Variants in ME3 observed in about 807,000 individuals in gnomAD.
ME3 encodes malic enzyme 3.
Under a neutral mutation model 68.9 loss-of-function variants are expected in ME3, and 48 were observed. The ratio of observed to expected loss-of-function variants is 0.70; its 90% CI spans 0.55 to 0.89. The LOEUF is 0.89. ME3 is among the 40% of genes least tolerant of loss of function. ME3 has a pLI of 0.00. For synonymous variants in ME3, 320 were observed against 318.8 expected, an observed-to-expected ratio of 1.00 and a Z score of -0.04; for missense variants, 675 against 797.4, an observed-to-expected ratio of 0.85 and a Z score of 1.85.
chr11:86,556,754 A>T lies in ME3; in HGVS notation c.318-52T>A, dbSNP rs1214357073. On this transcript the variant is annotated intron_variant, in intron 3 of 14. Transcript: ENST00000543262. ...TGACATGTGGTAGCAGCAGGCCCTG[A>T]TGCCTCTGTGGTGTGGTGCAAAGAC... 3.2e-6 allele frequency: 5 copies of T among 1,584,712 alleles called. No homozygotes were observed. In the Admixed American group the frequency reaches 5.0e-5, roughly 16 times the overall value.
At chr11:86,483,869 A>T (rs1050600541) in intron 7 of ME3, among the ~76,000 whole-genome samples, 3 of 152,250 alleles carry the variant, frequency 2.0e-5, no homozygotes, top group Non-Finnish European at 4.4e-5. Context: ...TACTGTAAGT[A>T]ACAGAAATGA....
intron 2 of ME3, among the ~76,000 whole-genome samples, chr11:86,659,172 C>T (rs955337724): frequency 2.0e-5 from 3 of 152,136 alleles, no homozygotes; most frequent in East Asian, 1.9e-4. Flanking sequence ...CACACAGGAG[C>T]GACAGCAGGA....
chr11:86,531,404 C>T (rs1210409157), intron 4 of ME3, among the ~76,000 whole-genome samples: 1 of 152,152 alleles, frequency 6.6e-6, no homozygotes, highest in African/African-American at 2.4e-5. Flanking sequence ...GTTGGTGGGA[C>T]TGTAAACTAG....
chr11:86,543,455 G>A (rs1351046824), intron 4 of ME3, among the ~76,000 whole-genome samples: 5 of 152,142 alleles, frequency 3.3e-5, no homozygotes, highest in Non-Finnish European at 5.9e-5. Flanking sequence ...AAGGGATGGA[G>A]GAAGATTTAC....
At chr11:86,592,282 C>A (rs1257244507) in intron 2 of ME3, among the ~76,000 whole-genome samples, 1 of 152,176 alleles carries the variant, frequency 6.6e-6, no homozygotes, top group African/African-American at 2.4e-5. Context: ...AAGCACCAGA[C>A]AATTGCTTCA....
intron 6 of ME3, among the ~76,000 whole-genome samples, chr11:86,491,715 T>G (rs1366662497): frequency 6.6e-6 from 1 of 152,208 alleles, no homozygotes; most frequent in Non-Finnish European, 1.5e-5. Flanking sequence ...GACTTCTTCA[T>G]AGGTGTTTAG....
At chr11:86,648,135 G>T (rs1320861776) in intron 2 of ME3, among the ~76,000 whole-genome samples, 2 of 152,202 alleles carry the variant, frequency 1.3e-5, no homozygotes, top group African/African-American at 4.8e-5. Context: ...CATGGAAACT[G>T]AGCAACGTAC....
intron 2 of ME3, among the ~76,000 whole-genome samples, chr11:86,586,810 G>A (rs1385653173): frequency 6.6e-6 from 1 of 152,114 alleles, no homozygotes; most frequent in Non-Finnish European, 1.5e-5. Context: ...GCCGAAGAGT[G>A]AAATAATAAG....
chr11:86,623,533 G>C (rs900994580), intron 2 of ME3, among the ~76,000 whole-genome samples: 6 of 152,018 alleles, frequency 3.9e-5, no homozygotes, highest in Non-Finnish European at 8.8e-5. Flanking sequence ...TGATTGTTAT[G>C]AAGATTAATT....
At chr11:86,654,646 A>C (rs1263230491) in intron 2 of ME3, among the ~76,000 whole-genome samples, 1 of 152,216 alleles carries the variant, frequency 6.6e-6, no homozygotes, top group African/African-American at 2.4e-5. Flanking sequence ...TATCATACTG[A>C]ATGGGCAAAA....
chr11:86,498,198 C>A, intron 5 of ME3, 74 bp from the exon 6 acceptor site: 1 of 1,511,962 alleles, frequency 6.6e-7, no homozygotes, highest in Non-Finnish European at 8.9e-7. Flanking sequence ...GCAGCCCCAG[C>A]CCATCAGGCT....
intron 2 of ME3, among the ~76,000 whole-genome samples, chr11:86,651,953 G>A (rs1945467900): frequency 6.6e-6 from 1 of 152,208 alleles, no homozygotes; most frequent in Admixed American, 6.5e-5. Context: ...GAATGCACAA[G>A]CCTCAGTAGC....
intron 2 of ME3, among the ~76,000 whole-genome samples, chr11:86,651,841 C>A (rs558610607): frequency 4.6e-5 from 7 of 152,224 alleles, no homozygotes; most frequent in African/African-American, 1.7e-4. Context: ...AAGTTAAAAA[C>A]CTTGAAAAAA....
intron 2 of ME3, among the ~76,000 whole-genome samples, chr11:86,592,810 C>T (rs1315531780): frequency 6.6e-6 from 1 of 152,180 alleles, no homozygotes; most frequent in African/African-American, 2.4e-5. Context: ...AACCCCCAAA[C>T]TTAGCAAGAT....
chr11:86,600,739 T>G (rs1960489883), intron 2 of ME3, among the ~76,000 whole-genome samples: 1 of 151,604 alleles, frequency 6.6e-6, no homozygotes, highest in Admixed American at 6.6e-5. Context: ...GATCAGAAAT[T>G]ATAACAAACT....
At chr11:86,471,964 A>G (rs930327814) in intron 7 of ME3, among the ~76,000 whole-genome samples, 3 of 152,214 alleles carry the variant, frequency 2.0e-5, no homozygotes, top group Non-Finnish European at 2.9e-5. Context: ...GATATGTGCC[A>G]GGTACATGGG....
chr11:86,529,377 C>T (rs549970841), intron 4 of ME3, among the ~76,000 whole-genome samples: 11 of 152,194 alleles, frequency 7.2e-5, no homozygotes, highest in African/African-American at 1.9e-4. Context: ...AGCTTACCAA[C>T]CAAAAAAAGT....
chr11:86,439,594 T>C (rs1483744993), downstream of ME3, among the ~76,000 whole-genome samples: 1 of 152,162 alleles, frequency 6.6e-6, no homozygotes, highest in Non-Finnish European at 1.5e-5. Context: ...CAAGCATGGA[T>C]AGTATCAGCA....
At chr11:86,626,183 A>G (rs1258681249) in intron 2 of ME3, among the ~76,000 whole-genome samples, 1 of 152,132 alleles carries the variant, frequency 6.6e-6, no homozygotes, top group Non-Finnish European at 1.5e-5. Context: ...TGGGGCTGGA[A>G]CCCTGTAAAC....
Sources: allele counts gnomAD v4.1 joint callset (sites outside exome capture counted in the v4.1 genomes callset), GRCh38; gene constraint gnomAD v4.1.1; transcripts MANE v1.5; gene names NCBI Gene and HGNC (gene_info 2026-07-23, HGNC 2026-07-21).